NEK11: variants seen among roughly 807,000 people sequenced by gnomAD.
The protein encoded by NEK11 is serine/threonine-protein kinase Nek11.
A neutral mutation model predicts 80.7 loss-of-function variants in NEK11; 72 were observed. The ratio of observed to expected loss-of-function variants is 0.89; its 90% CI spans 0.74 to 1.08. NEK11 has a LOEUF of 1.08. Ranked by LOEUF, NEK11 falls within the 50% of genes least tolerant of loss-of-function variation. The probability of loss-of-function intolerance (pLI) is 0.00; values close to 1 mark genes in which losing one functional copy is unlikely to be tolerated. For missense variants in NEK11, 764 were observed against 763.6 expected, an observed-to-expected ratio of 1.00 and a Z score of -0.01; for synonymous variants, 251 against 260.7, an observed-to-expected ratio of 0.96 and a Z score of 0.36.
At chr3:131,192,962 G>A (rs972411081) in intron 14 of NEK11, among the ~76,000 whole-genome samples, 1 of 152,108 alleles carries the variant, frequency 6.6e-6, no homozygotes, top group Admixed American at 6.6e-5. Context: ...TTGGCACCAG[G>A]ACACCTTAAC....
At chr3:131,060,458 T>C (rs541550954) in intron 3 of NEK11, among the ~76,000 whole-genome samples, 1 of 152,248 alleles carries the variant, frequency 6.6e-6, no homozygotes, top group Non-Finnish European at 1.5e-5. Flanking sequence ...TGAAGGATGA[T>C]GGATTAAGTA....
At chr3:131,299,611 A>G (rs1393889690) in intron 17 of NEK11, among the ~76,000 whole-genome samples, 1 of 152,184 alleles carries the variant, frequency 6.6e-6, no homozygotes, top group Non-Finnish European at 1.5e-5. Context: ...TCCACTTATA[A>G]GTGAGAACAT....
At chr3:131,131,473 C>G (rs1227859824) in intron 5 of NEK11, among the ~76,000 whole-genome samples, 1 of 152,092 alleles carries the variant, frequency 6.6e-6, no homozygotes, top group Non-Finnish European at 1.5e-5. Context: ...GGAATTGGTT[C>G]TTTTAATCTA....
intron 3 of NEK11, among the ~76,000 whole-genome samples, chr3:131,065,212 C>G (rs1373681924): frequency 6.6e-6 from 1 of 152,158 alleles, no homozygotes; most frequent in Non-Finnish European, 1.5e-5. Context: ...GGACAATTAC[C>G]TAAACTACCA....
intron 5 of NEK11, among the ~76,000 whole-genome samples, chr3:131,117,241 C>T (rs2081406871): frequency 6.6e-6 from 1 of 152,160 alleles, no homozygotes; most frequent in African/African-American, 2.4e-5. Flanking sequence ...GAATCCTTTC[C>T]CCATTGCTTG....
At chr3:131,313,875 C>G (rs1041104967) in intron 17 of NEK11, among the ~76,000 whole-genome samples, 1 of 152,118 alleles carries the variant, frequency 6.6e-6, no homozygotes, top group African/African-American at 2.4e-5. Context: ...CAACATTGTG[C>G]GTTTTCCTAA....
chr3:131,309,074 T>A (rs900093856), intron 17 of NEK11, among the ~76,000 whole-genome samples: 2 of 152,170 alleles, frequency 1.3e-5, no homozygotes, highest in Admixed American at 1.3e-4. Flanking sequence ...TGTGGCCCGG[T>A]TCCTAACAGG....
At chr3:131,107,483 T>C (rs6799650) in intron 4 of NEK11, among the ~76,000 whole-genome samples, 138,238 of 152,028 alleles carry the variant, frequency 0.91, 63,369 homozygotes, top group Non-Finnish European at 0.95. Context: ...TTCACTCCTC[T>C]TCTGAAGGTA....
intron 17 of NEK11, among the ~76,000 whole-genome samples, chr3:131,315,467 C>CTGTGTGTGTG (rs111470166): frequency 1.5e-5 from 2 of 137,542 alleles, no homozygotes; most frequent in African/African-American, 2.5e-5. Context: ...AATAATATTC[C>CTGTGTGTGTG]TGTGTGTGTG....
intron 17 of NEK11, among the ~76,000 whole-genome samples, chr3:131,275,236 G>A (rs183758050): frequency 1.3e-5 from 2 of 152,156 alleles, no homozygotes; most frequent in Admixed American, 6.5e-5. Context: ...TATAGAAGGT[G>A]TTGCTAATTT....
chr3:131,059,868 G>C lies in NEK11; in HGVS notation c.171-20555G>C, dbSNP rs147527905. Among the ~76,000 whole-genome samples the C allele has an allele frequency of 9.3e-3, 1,420 of 152,294 alleles. 20 individuals are homozygous for C. The highest frequency in any genetic ancestry group is 0.031 in the African/African-American group (1,305 of 41,562). On this transcript the variant is annotated intron_variant, in intron 3 of 17. Coordinates refer to ENST00000383366, the MANE Select transcript of NEK11 (RefSeq NM_024800.5). ...AGTTGATCCAGTGACCAAGAATGAG[G>C]TTGGTTAGTTTAGCAAGAGTCAGTT...
chr3:131,069,095 A>ATGTCTTATTT, intron 3 of NEK11, among the ~76,000 whole-genome samples: 1 of 152,264 alleles, frequency 6.6e-6, no homozygotes, highest in African/African-American at 2.4e-5. Flanking sequence ...GCTATTATAA[A>ATGTCTTATTT]CAAGGTTAAA....
At chr3:131,310,226 G>A (rs1264718547) in intron 17 of NEK11, among the ~76,000 whole-genome samples, 2 of 152,034 alleles carry the variant, frequency 1.3e-5, no homozygotes, top group East Asian at 3.9e-4. Context: ...TTGTACCCTT[G>A]AGTCTCCAAA....
intron 15 of NEK11, among the ~76,000 whole-genome samples, chr3:131,230,973 CT>C (rs2095317831): frequency 6.6e-6 from 1 of 152,132 alleles, no homozygotes. Context: ...CTCATTCTCT[CT>C]TGCCTGCAGC....
At chr3:131,060,378 T>G (rs1404027866) in intron 3 of NEK11, among the ~76,000 whole-genome samples, 1 of 152,224 alleles carries the variant, frequency 6.6e-6, no homozygotes, top group Non-Finnish European at 1.5e-5. Context: ...GGTTGCTTTT[T>G]TCATCGAGGC....
chr3:131,083,670 G>A (rs981645371), intron 4 of NEK11, among the ~76,000 whole-genome samples: 1 of 152,138 alleles, frequency 6.6e-6, no homozygotes, highest in African/African-American at 2.4e-5. Context: ...TCCCTCTTCT[G>A]TAATTTAATT....
At chr3:131,151,677 G>T (rs1434347976) in intron 7 of NEK11, among the ~76,000 whole-genome samples, 2 of 151,564 alleles carry the variant, frequency 1.3e-5, no homozygotes, top group East Asian at 3.9e-4. Flanking sequence ...TTAATACTAA[G>T]CTCAGACAGG....
At chr3:131,165,391 G>A (rs527343087) in intron 11 of NEK11, 35 bp from the exon 12 acceptor site, 122 of 1,275,952 alleles carry the variant, frequency 9.6e-5, no homozygotes, top group African/African-American at 1.6e-4. Context: ...TTAGCAATTC[G>A]CAGTTATTTT....
intron 14 of NEK11, among the ~76,000 whole-genome samples, chr3:131,197,342 G>C (rs374573102): frequency 6.6e-6 from 1 of 152,112 alleles, no homozygotes; most frequent in South Asian, 2.1e-4. Context: ...CATTAACATC[G>C]GAGCATGGGC....
Sources: allele counts gnomAD v4.1 joint callset (sites outside exome capture counted in the v4.1 genomes callset), GRCh38; gene constraint gnomAD v4.1.1; transcripts MANE v1.5; gene names NCBI Gene and HGNC (gene_info 2026-07-23, HGNC 2026-07-21).